The following GARS1 variants were observed in gnomAD, a reference collection of about 807,000 sequenced individuals.
The protein encoded by GARS1 is glycine--tRNA ligase.
In GARS1, 46 loss-of-function variants were observed where a neutral mutation model predicts 86.4. The observed-to-expected ratio is 0.53, with a 90% CI of 0.42 to 0.68. The LOEUF is 0.68. Among genes scored for constraint, GARS1 ranks in the 30% least tolerant of loss-of-function variants. The pLI is 0.00. For missense variants in GARS1, 797 were observed against 915.6 expected (o/e 0.87, Z 1.67); for synonymous variants, 342 against 329.8 (o/e 1.04, Z -0.40).
rs7808770 is a variant in GARS1 at position 30,609,596 on chromosome 7, T to C, written c.747T>C (p.Tyr249=). 4,547 of 1,613,054 alleles carry C rather than the reference T, an allele frequency of 2.8e-3. 121 individuals are homozygous for C. The African/African-American group carries it at 0.052, about 18-fold the overall frequency. The change falls in exon 7 of 17, where the codon TAT becomes TAC. Residue 249 remains tyrosine (Y), a synonymous_variant. Transcript: ENST00000389266. ...TATATGTCTTTTAGCTTGATAACTA[T>C]GGACAGCAAGAACTTGCGGATCTTT... ...MESVLAQLDN[Y]GQQELADLFV...
intron 14 of GARS1, among the ~76,000 whole-genome samples, chr7:30,629,942 C>T (rs1783203027): frequency 1.3e-5 from 2 of 152,198 alleles, no homozygotes; most frequent in South Asian, 4.1e-4. Context: ...TCCTTTGAAT[C>T]TAACAATATT....
At chr7:30,622,486 T>G (rs762447236) in intron 12 of GARS1, 24 bp downstream of exon 12, 2 of 1,613,708 alleles carry the variant, frequency 1.2e-6, no homozygotes, top group South Asian at 2.2e-5. Flanking sequence ...TGTTTACTCT[T>G]CCATGGGCTC....
chr7:30,632,817 A>C lies in GARS1; in HGVS notation c.2094+380A>C, dbSNP rs549074878. On this transcript the variant is annotated intron_variant, in intron 16 of 16. Coordinates refer to ENST00000389266, the MANE Select transcript of GARS1 (RefSeq NM_002047.4). The surrounding 1 kb of genome is among the most constrained non-coding windows in gnomAD (Gnocchi z 4.1). ...TACAGACGCGTATACATGTGTATGT[A>C]TAAGCTTTTCCGTGTTCATATATTC... Among the ~76,000 whole-genome samples, 1 of 152,378 alleles carries C rather than the reference A, an allele frequency of 6.6e-6. No individual in the cohort carries two copies. The highest frequency in any genetic ancestry group is 1.9e-4 in the East Asian group (1 of 5,188).
At chr7:30,624,063 AAC>A (rs1236206846) in intron 12 of GARS1, among the ~76,000 whole-genome samples, 3 of 152,168 alleles carry the variant, frequency 2.0e-5, no homozygotes, top group Non-Finnish European at 2.9e-5. Context: ...GATGCTGCCC[AAC>A]ACAAATTCGT....
At position 30,632,204 on chromosome 7, in the gene GARS1, C is replaced by T; in HGVS notation, c.1904-43C>T. The T allele has an allele frequency of 6.3e-7, 1 of 1,586,380 alleles. No individual in the cohort carries two copies. ...AGTAGTTAGATAACACTGGGCTTAA[C>T]TCCATTGTTTTATTTTTAATTTACT... On this transcript the variant is annotated intron_variant, in intron 15 of 16. Transcript: ENST00000389266. The surrounding 1 kb of genome is among the most constrained non-coding windows in gnomAD (Gnocchi z 4.1).
chr7:30,610,071 T>G (rs888439506), intron 7 of GARS1, among the ~76,000 whole-genome samples: 1 of 152,204 alleles, frequency 6.6e-6, no homozygotes, highest in Non-Finnish European at 1.5e-5. Context: ...AACCATTTAG[T>G]TTAGCATGCT....
At chr7:30,627,402 G>C (rs1783149593) in intron 13 of GARS1, among the ~76,000 whole-genome samples, 1 of 152,156 alleles carries the variant, frequency 6.6e-6, no homozygotes, top group South Asian at 2.1e-4. Flanking sequence ...CCTTGATCAT[G>C]TTTCTAAAGT....
chr7:30,621,854 C>A (rs1264994969), intron 11 of GARS1, among the ~76,000 whole-genome samples: 1 of 152,128 alleles, frequency 6.6e-6, no homozygotes, highest in Non-Finnish European at 1.5e-5. Flanking sequence ...AAGCTTTTTC[C>A]ATTAAAAGAT....
At position 30,612,081 on chromosome 7, in the gene GARS1, T is replaced by G. The variant is rs199741850; in HGVS notation, c.882-15T>G. 1.1e-4 allele frequency: 174 copies of G among 1,608,524 alleles called. 2 individuals carry two copies. Among genetic ancestry groups the G allele is most frequent in the South Asian group, 8.1e-4 (74 of 90,960 alleles). On this transcript the variant is annotated splice_polypyrimidine_tract_variant and intron_variant, in intron 7 of 16. Coordinates refer to ENST00000389266, the MANE Select transcript of GARS1 (RefSeq NM_002047.4). Reference sequence around the variant, plus strand: ...TTTCTTTCTTTGTAACAGACTGACTTACTTAAATTTATAGGTACTTGAGAC... The same window carrying G: ...TTTCTTTCTTTGTAACAGACTGACTGACTTAAATTTATAGGTACTTGAGAC...
At chr7:30,608,526 T>C (rs1791530120) in intron 6 of GARS1, among the ~76,000 whole-genome samples, 1 of 152,216 alleles carries the variant, frequency 6.6e-6, no homozygotes, top group African/African-American at 2.4e-5. Context: ...CTAGAAATTC[T>C]GTAGAAATAG....
intron 6 of GARS1, among the ~76,000 whole-genome samples, chr7:30,607,412 C>T (rs1176576784): frequency 1.3e-5 from 2 of 152,066 alleles, no homozygotes; most frequent in African/African-American, 4.8e-5. Flanking sequence ...ATGGATGAAG[C>T]TGGAAACAAT....
chr7:30,616,232 A>G (rs1211128040), intron 9 of GARS1, among the ~76,000 whole-genome samples, 174 bp downstream of exon 9: 1 of 152,150 alleles, frequency 6.6e-6, no homozygotes, highest in East Asian at 1.9e-4. Flanking sequence ...TAAGAGAAAA[A>G]TCACCTGAAC....
chr7:30,596,484 G>A (rs1057077494), intron 1 of GARS1, among the ~76,000 whole-genome samples: 2 of 150,002 alleles, frequency 1.3e-5, no homozygotes, highest in Middle Eastern at 6.8e-3. Flanking sequence ...AACTAATTTG[G>A]AGAAAAAAAA....
chr7:30,603,127 G>C lies in GARS1; in HGVS notation c.658+5G>C, dbSNP rs1434932177. The C allele has an allele frequency of 1.2e-6, 2 of 1,603,590 alleles. No homozygotes were observed. Among genetic ancestry groups the C allele is most frequent in the African/African-American group, 2.7e-5 (2 of 74,676 alleles). ...GTGCTGACCATCTATTAAAAGGTGA[G>C]GTTCTTCATCTCCTTCAGGTAGGAT... On this transcript the variant is annotated splice_donor_5th_base_variant and intron_variant, in intron 5 of 16. Coordinates refer to ENST00000389266, the MANE Select transcript of GARS1 (RefSeq NM_002047.4).
chr7:30,618,030 T>C (rs1782925987), intron 10 of GARS1, among the ~76,000 whole-genome samples: 1 of 152,214 alleles, frequency 6.6e-6, no homozygotes, highest in Non-Finnish European at 1.5e-5. Flanking sequence ...CAGTATACCC[T>C]TGGTTCAGTT....
At chr7:30,631,195 T>A (rs1783229197) in intron 14 of GARS1, 1 of 394,866 alleles carries the variant, frequency 2.5e-6, no homozygotes, top group Non-Finnish European at 4.8e-6. Flanking sequence ...AGAGACCTGC[T>A]TTTTAGGTGG....
intron 6 of GARS1, among the ~76,000 whole-genome samples, chr7:30,603,972 CTAT>C (rs1054944944): frequency 1.3e-5 from 2 of 152,136 alleles, no homozygotes; most frequent in African/African-American, 4.8e-5. Context: ...TGATTTCATG[CTAT>C]TATTCTTAGA....
Position 30,621,442 on chromosome 7 carries a change from C to T in GARS1, c.1409C>T (p.Ser470Phe), listed in dbSNP as rs1783004842. Residue 470 changes from serine (S) to phenylalanine (F), a missense_variant, in exon 11 of 17, where the codon TCC (serine) becomes TTC (phenylalanine). By Grantham distance (155) the Ser-to-Phe change is radical. Transcript: ENST00000389266. ...GCTGATCGTTCCTGTTATGACCTCT[C>T]CTGTCATGCACGAGCCACCAAAGTC... ...GCADRSCYDLSCHARATKVPL... is the reference protein window; with the variant it reads ...GCADRSCYDLFCHARATKVPL... 3.1e-6 allele frequency: 5 copies of T among 1,614,144 alleles called. No individual in the cohort carries two copies. The highest frequency in any genetic ancestry group is 2.7e-5 in the African/African-American group (2 of 75,028).
At chr7:30,617,689 G>A (rs966792146) in intron 10 of GARS1, among the ~76,000 whole-genome samples, 2 of 152,126 alleles carry the variant, frequency 1.3e-5, no homozygotes, top group African/African-American at 4.8e-5. Context: ...TAGTAGCTTT[G>A]GGGAATATAC....
Sources: allele counts gnomAD v4.1 joint callset (sites outside exome capture counted in the v4.1 genomes callset), GRCh38; gene constraint gnomAD v4.1.1; non-coding constraint Gnocchi (gnomAD v3.1); transcripts MANE v1.5; gene names NCBI Gene and HGNC (gene_info 2026-07-23, HGNC 2026-07-21).